The following PITPNC1 variants were observed in gnomAD, a reference collection of about 807,000 sequenced individuals.
PITPNC1 encodes cytoplasmic phosphatidylinositol transfer protein 1.
In PITPNC1, 18 loss-of-function variants were observed where a neutral mutation model predicts 44.7. That is an observed-to-expected ratio of 0.40 (90% CI 0.28 to 0.60). PITPNC1 has a LOEUF of 0.60. Among genes scored for constraint, PITPNC1 ranks in the 20% least tolerant of loss-of-function variants. PITPNC1 has a pLI of 0.39. For missense variants in PITPNC1, 290 were observed against 418.4 expected, an observed-to-expected ratio of 0.69 and a Z score of 2.68; for synonymous variants, 141 against 149.6, an observed-to-expected ratio of 0.94 and a Z score of 0.42.
chr17:67,623,968 G>A (rs1369889890), intron 5 of PITPNC1, among the ~76,000 whole-genome samples: 1 of 152,048 alleles, frequency 6.6e-6, no homozygotes, highest in Non-Finnish European at 1.5e-5. Flanking sequence ...AGAAATCTAG[G>A]CTGATAAGAC....
chr17:67,558,186 A>C (rs2144182890), intron 4 of PITPNC1, among the ~76,000 whole-genome samples: 1 of 152,312 alleles, frequency 6.6e-6, no homozygotes, highest in South Asian at 2.1e-4. Flanking sequence ...ATCAAGACAT[A>C]AGAGCTTTTT....
At chr17:67,501,932 C>T (rs904586748) in intron 1 of PITPNC1, among the ~76,000 whole-genome samples, 1 of 152,148 alleles carries the variant, frequency 6.6e-6, no homozygotes, top group Non-Finnish European at 1.5e-5. Flanking sequence ...GCCTCAGTTT[C>T]CTCATCTGTA....
At chr17:67,504,788 C>G (rs967106606) in intron 1 of PITPNC1, among the ~76,000 whole-genome samples, 2 of 152,126 alleles carry the variant, frequency 1.3e-5, no homozygotes, top group Non-Finnish European at 2.9e-5. Context: ...TTAGGTTTGA[C>G]TTGCTTTTTT....
At chr17:67,387,961 C>G (rs1263584036) in intron 1 of PITPNC1, among the ~76,000 whole-genome samples, 1 of 152,132 alleles carries the variant, frequency 6.6e-6, no homozygotes, top group Non-Finnish European at 1.5e-5. Context: ...GCTCAAGGAC[C>G]ATGTGTGGCT....
chr17:67,379,944 ACACT>A (rs1216603488), intron 1 of PITPNC1, among the ~76,000 whole-genome samples: 1 of 152,178 alleles, frequency 6.6e-6, no homozygotes, highest in Non-Finnish European at 1.5e-5. Flanking sequence ...GCTTTCTGAA[ACACT>A]CAGGCAGATG....
chr17:67,547,306 G>T (rs1241080402), intron 2 of PITPNC1, among the ~76,000 whole-genome samples: 4 of 152,120 alleles, frequency 2.6e-5, no homozygotes, highest in Non-Finnish European at 2.9e-5. Flanking sequence ...CTTGAGCCCA[G>T]GAGTTTGATT....
chr17:67,387,829 T>G (rs2038077536), intron 1 of PITPNC1, among the ~76,000 whole-genome samples: 1 of 152,236 alleles, frequency 6.6e-6, no homozygotes, highest in Non-Finnish European at 1.5e-5. Context: ...CTTTTCAACA[T>G]GTAATCCACA....
rs554191203 is a variant in PITPNC1 at position 67,383,883 on chromosome 17, C to A, written c.48+5681C>A. Among the ~76,000 whole-genome samples the A allele has an allele frequency of 3.0e-4, 46 of 152,102 alleles. 2 individuals carry two copies. In the South Asian group the frequency reaches 9.5e-3, roughly 32 times the overall value. On this transcript the variant is annotated intron_variant, in intron 1 of 8. Coordinates refer to ENST00000581322, the MANE Select transcript of PITPNC1 (RefSeq NM_012417.4). ...AGAAACCCCGTCTCTACTAAAAATA[C>A]AAAATTAGCCAGGCGTGGTGGCGCA...
At chr17:67,499,013 A>G (rs2039993079) in intron 1 of PITPNC1, among the ~76,000 whole-genome samples, 1 of 151,968 alleles carries the variant, frequency 6.6e-6, no homozygotes, top group Non-Finnish European at 1.5e-5. Flanking sequence ...CTGGGCTTAC[A>G]GGCACCCGCC....
chr17:67,680,310 C>G (rs1237988064), intron 8 of PITPNC1, among the ~76,000 whole-genome samples: 1 of 152,110 alleles, frequency 6.6e-6, no homozygotes, highest in East Asian at 1.9e-4. Context: ...AAAAAAATCA[C>G]AACTATAAGG....
chr17:67,683,868 C>T (rs1470923412), intron 8 of PITPNC1, among the ~76,000 whole-genome samples: 1 of 151,170 alleles, frequency 6.6e-6, no homozygotes, highest in Non-Finnish European at 1.5e-5. Flanking sequence ...ATCCCAGCTA[C>T]TCGGGAGGCT....
At chr17:67,555,727 C>T (rs1216543987) in intron 4 of PITPNC1, among the ~76,000 whole-genome samples, 1 of 151,146 alleles carries the variant, frequency 6.6e-6, no homozygotes, top group Non-Finnish European at 1.5e-5. Context: ...GCCTATAATC[C>T]CAGCTACTTG....
chr17:67,687,874 T>G (rs1400539698), intron 8 of PITPNC1, among the ~76,000 whole-genome samples: 1 of 151,934 alleles, frequency 6.6e-6, no homozygotes, highest in Non-Finnish European at 1.5e-5. Context: ...TATCGTAATC[T>G]CTCAATCATT....
At chr17:67,551,010 G>T (rs774721789) in intron 2 of PITPNC1, among the ~76,000 whole-genome samples, 1 of 152,138 alleles carries the variant, frequency 6.6e-6, no homozygotes, top group Admixed American at 6.5e-5. Context: ...GCAGTGAGCC[G>T]AGACTGCACC....
chr17:67,525,558 T>C (rs781093596), intron 1 of PITPNC1: 14 of 152,202 alleles, frequency 9.2e-5, no homozygotes, highest in Non-Finnish European at 1.9e-4. Flanking sequence ...TGAGATGAGG[T>C]TGTCAAAATC....
At chr17:67,653,420 TTCC>T (rs1449779038) in intron 6 of PITPNC1, among the ~76,000 whole-genome samples, 1 of 152,194 alleles carries the variant, frequency 6.6e-6, no homozygotes, top group Non-Finnish European at 1.5e-5. Context: ...ATGAAACAGA[TTCC>T]TCCTCACAGC....
chr17:67,388,328 G>GT (rs768092457), intron 1 of PITPNC1, among the ~76,000 whole-genome samples: 41,781 of 134,564 alleles, frequency 0.31, 7,764 homozygotes, highest in African/African-American at 0.52. Flanking sequence ...TTTTTTTCGT[G>GT]TTTTTTTTTT....
chr17:67,631,647 A>T (rs1478716029), intron 5 of PITPNC1, among the ~76,000 whole-genome samples: 641 of 8,594 alleles, frequency 0.075, 18 homozygotes, highest in East Asian at 0.37. Context: ...AAAAAAAAAA[A>T]AAAAAAAAAA....
intron 5 of PITPNC1, chr17:67,612,335 G>A (rs1368581390): frequency 6.6e-6 from 1 of 152,548 alleles, no homozygotes; most frequent in African/African-American, 2.4e-5. Flanking sequence ...GAGGTGAGTT[G>A]ATGAGAGGAG....
Sources: gnomAD v4.1 joint callset for allele counts (sites outside exome capture counted in the v4.1 genomes callset) on GRCh38, gnomAD v4.1.1 for gene constraint, MANE v1.5 for transcripts, NCBI Gene and HGNC (gene_info 2026-07-23, HGNC 2026-07-21) for gene names.